Variants in PTGR1 observed in about 807,000 individuals in gnomAD.
PTGR1 encodes the protein prostaglandin reductase 1.
Under a neutral mutation model 37.7 loss-of-function variants are expected in PTGR1, and 23 were observed. The observed-to-expected ratio is 0.61, with a 90% CI of 0.44 to 0.86. PTGR1 has a LOEUF of 0.86. PTGR1 is among the 40% of genes least tolerant of loss of function. The pLI, the probability that PTGR1 is intolerant of heterozygous loss-of-function variation, is 0.00. For synonymous variants in PTGR1, 134 were observed against 140.0 expected (o/e 0.96, Z 0.30); for missense variants, 351 against 394.3 (o/e 0.89, Z 0.93).
intron 1 of PTGR1, among the ~76,000 whole-genome samples, chr9:111,598,148 T>G (rs1829839281): frequency 6.6e-6 from 1 of 152,112 alleles, no homozygotes; most frequent in Admixed American, 6.5e-5. Context: ...GAATTTTCTT[T>G]GGCCCAGTAG....
chr9:111,560,858 G>A (rs1350016929), downstream of PTGR1, among the ~76,000 whole-genome samples: 1 of 147,956 alleles, frequency 6.8e-6, no homozygotes, highest in Non-Finnish European at 1.5e-5. Context: ...CAGGAGAATC[G>A]CTTGAAGCCG....
chr9:111,554,086 A>G (rs555760850), intron 9 of PTGR1, among the ~76,000 whole-genome samples: 3 of 152,266 alleles, frequency 2.0e-5, no homozygotes, highest in Admixed American at 6.5e-5. Context: ...ATTCCACTCT[A>G]GAGATCTCAC....
chr9:111,554,172 A>G (rs974869129), intron 9 of PTGR1, among the ~76,000 whole-genome samples: 1 of 152,204 alleles, frequency 6.6e-6, no homozygotes, highest in Non-Finnish European at 1.5e-5. Flanking sequence ...TACTACTATT[A>G]TGTTATTGGA....
downstream of PTGR1, among the ~76,000 whole-genome samples, chr9:111,560,012 A>G (rs1010032825): frequency 5.3e-5 from 8 of 152,198 alleles, no homozygotes; most frequent in African/African-American, 1.9e-4. Flanking sequence ...GGCAGAATTG[A>G]TCAATAGAAT....
chr9:111,558,843 A>G (rs1393282981), downstream of PTGR1, among the ~76,000 whole-genome samples: 1 of 152,108 alleles, frequency 6.6e-6, no homozygotes, highest in Non-Finnish European at 1.5e-5. Context: ...GGTTCTTCCC[A>G]TGTTTGTAAC....
chr9:111,560,636 CAAAAAAAAAAA>C (rs1015199330), downstream of PTGR1, among the ~76,000 whole-genome samples: 2 of 26,296 alleles, frequency 7.6e-5, no homozygotes, highest in African/African-American at 1.7e-4. Context: ...GACACCATCT[CAAAAAAAAAAA>C]AAAAAAAAAA....
At position 111,563,242 on chromosome 9, in the gene PTGR1, G is replaced by C. The variant is rs1404195563; in HGVS notation, c.880-11C>G. On this transcript the variant is annotated splice_polypyrimidine_tract_variant and intron_variant, in intron 9 of 9. Coordinates refer to ENST00000407693, the MANE Select transcript of PTGR1 (RefSeq NM_001146108.2). ...GTACTGGATTTTACCCTGTATCAAAGCAACAACAAATTTTAAAACTTAATT... is the reference window on the plus strand; with the variant it reads ...GTACTGGATTTTACCCTGTATCAAACCAACAACAAATTTTAAAACTTAATT... 6.2e-7 allele frequency: 1 copy of C among 1,605,696 alleles called. No individual in the cohort carries two copies. Among genetic ancestry groups the C allele is most frequent in the Non-Finnish European group, 8.5e-7 (1 of 1,176,344 alleles).
At chr9:111,550,347 G>A (rs1181142535) in intron 9 of PTGR1, among the ~76,000 whole-genome samples, 1 of 152,198 alleles carries the variant, frequency 6.6e-6, no homozygotes, top group Non-Finnish European at 1.5e-5. Context: ...GTGATCAGAA[G>A]TAGATATCTG....
intron 8 of PTGR1, among the ~76,000 whole-genome samples, chr9:111,572,783 A>T (rs1308043469): frequency 1.4e-5 from 2 of 146,588 alleles, no homozygotes; most frequent in Admixed American, 6.9e-5. Flanking sequence ...AAAAAAAATT[A>T]AAAAATTAAA....
At chr9:111,586,674 C>A (rs1242940168) in intron 4 of PTGR1, among the ~76,000 whole-genome samples, 8 of 152,054 alleles carry the variant, frequency 5.3e-5, no homozygotes, top group Non-Finnish European at 1.2e-4. Context: ...CATGTGCTAA[C>A]CCGCTGCAAC....
At chr9:111,574,284 CTAATA>C (rs1311811693) in intron 8 of PTGR1, 1 of 151,848 alleles carries the variant, frequency 6.6e-6, no homozygotes, top group Non-Finnish European at 1.5e-5. Context: ...ACATAAAAAT[CTAATA>C]TAAGCTGATT....
At chr9:111,575,610 T>C (rs1316253687) in intron 7 of PTGR1, among the ~76,000 whole-genome samples, 1 of 152,230 alleles carries the variant, frequency 6.6e-6, no homozygotes, top group African/African-American at 2.4e-5. Context: ...TTAGGATCAA[T>C]TGGTTTTCTA....
At chr9:111,590,365 A>AT (rs879574089) in intron 4 of PTGR1, among the ~76,000 whole-genome samples, 93 of 148,946 alleles carry the variant, frequency 6.2e-4, no homozygotes, top group African/African-American at 1.5e-3. Context: ...ACATTCATAC[A>AT]TTTTTTTTTT....
At chr9:111,569,508 T>C (rs1477522326) in intron 9 of PTGR1, among the ~76,000 whole-genome samples, 2 of 152,200 alleles carry the variant, frequency 1.3e-5, no homozygotes, top group African/African-American at 4.8e-5. Context: ...CCAGGTGCGG[T>C]GGCTCACAAC....
chr9:111,581,638 A>AT (rs911659161), intron 6 of PTGR1, among the ~76,000 whole-genome samples: 14 of 149,322 alleles, frequency 9.4e-5, no homozygotes, highest in South Asian at 2.1e-4. Context: ...GGTCCTTTGA[A>AT]TTTTTTTTTT....
chr9:111,580,107 T>C (rs1403453922), intron 6 of PTGR1, among the ~76,000 whole-genome samples: 1 of 152,166 alleles, frequency 6.6e-6, no homozygotes, highest in East Asian at 1.9e-4. Context: ...TATCATAGGA[T>C]GATCTCTTTC....
At chr9:111,550,084 C>T (rs886839866) in intron 9 of PTGR1, among the ~76,000 whole-genome samples, 1 of 151,800 alleles carries the variant, frequency 6.6e-6, no homozygotes, top group African/African-American at 2.4e-5. Flanking sequence ...TTTTTGTTTT[C>T]GTTTTTGTTT....
chr9:111,555,489 T>C (rs551451860), intron 9 of PTGR1, among the ~76,000 whole-genome samples: 2 of 152,266 alleles, frequency 1.3e-5, no homozygotes, highest in Non-Finnish European at 2.9e-5. Context: ...TGTGTATTAG[T>C]CTGTTCTCAC....
chr9:111,589,484 T>G, intron 4 of PTGR1: 1 of 482,604 alleles, frequency 2.1e-6, no homozygotes, highest in Non-Finnish European at 2.7e-6. Flanking sequence ...CTTGAACTCC[T>G]GAATTCAAGC....
Sources: allele counts gnomAD v4.1 joint callset (sites outside exome capture counted in the v4.1 genomes callset), GRCh38; gene constraint gnomAD v4.1.1; transcripts MANE v1.5; gene names NCBI Gene and HGNC (gene_info 2026-07-23, HGNC 2026-07-21).